The following GLRA3 variants were observed in gnomAD, a reference collection of about 807,000 sequenced individuals.
GLRA3 encodes glycine receptor alpha 3.
A neutral mutation model predicts 60.4 loss-of-function variants in GLRA3; 44 were observed. That is an observed-to-expected ratio of 0.73 (90% CI 0.57 to 0.94). The LOEUF is 0.94. Among genes scored for constraint, GLRA3 ranks in the 40% least tolerant of loss-of-function variants. The pLI, the probability that GLRA3 is intolerant of heterozygous loss-of-function variation, is 0.00. For missense variants in GLRA3, 508 were observed against 564.6 expected (o/e 0.90, Z 1.02); for synonymous variants, 223 against 192.9 (o/e 1.16, Z -1.29).
intron 1 of GLRA3, among the ~76,000 whole-genome samples, chr4:174,804,241 A>G (rs1349236234): frequency 1.3e-5 from 2 of 152,168 alleles, no homozygotes; most frequent in Non-Finnish European, 2.9e-5. Flanking sequence ...AAAGTTTCCT[A>G]GAACCTGTGA....
chr4:174,657,049 T>C (rs1733235479), intron 8 of GLRA3, among the ~76,000 whole-genome samples: 1 of 152,126 alleles, frequency 6.6e-6, no homozygotes, highest in Non-Finnish European at 1.5e-5. Context: ...CAGAAAATAA[T>C]AAGATATGAT....
At chr4:174,730,302 G>T (rs1441885922) in intron 3 of GLRA3, among the ~76,000 whole-genome samples, 2 of 152,070 alleles carry the variant, frequency 1.3e-5, no homozygotes, top group African/African-American at 4.8e-5. Context: ...TGTTTCCTTC[G>T]CCATTCTCCA....
intron 1 of GLRA3, among the ~76,000 whole-genome samples, chr4:174,806,318 C>T (rs895405448): frequency 1.3e-5 from 2 of 152,024 alleles, no homozygotes; most frequent in Non-Finnish European, 1.5e-5. Context: ...AAGAGGAAAC[C>T]AAACAACAAA....
chr4:174,816,625 T>A (rs1180730532), intron 1 of GLRA3, among the ~76,000 whole-genome samples: 1 of 151,306 alleles, frequency 6.6e-6, no homozygotes, highest in Non-Finnish European at 1.5e-5. Flanking sequence ...AATGGACAAG[T>A]GGTTTTTTTT....
At chr4:174,808,754 G>A (rs1299560408) in intron 1 of GLRA3, among the ~76,000 whole-genome samples, 1 of 151,936 alleles carries the variant, frequency 6.6e-6, no homozygotes, top group Non-Finnish European at 1.5e-5. Context: ...ACAGGCTAAT[G>A]TGTGTGCTTG....
chr4:174,775,488 A>G (rs928932402), intron 2 of GLRA3, among the ~76,000 whole-genome samples: 1 of 152,226 alleles, frequency 6.6e-6, no homozygotes, highest in Non-Finnish European at 1.5e-5. Context: ...AGTTATATCT[A>G]CATACAAAGA....
intron 5 of GLRA3, among the ~76,000 whole-genome samples, chr4:174,689,238 C>G (rs2111000657): frequency 6.6e-6 from 1 of 152,146 alleles, no homozygotes; most frequent in African/African-American, 2.4e-5. Context: ...TCAAAGGAAT[C>G]AAAGATAAAA....
At chr4:174,702,733 A>G (rs1205604081) in intron 5 of GLRA3, among the ~76,000 whole-genome samples, 1 of 152,142 alleles carries the variant, frequency 6.6e-6, no homozygotes, top group African/African-American at 2.4e-5. Flanking sequence ...ACACCTGGAT[A>G]ATTTTTTAAT....
chr4:174,728,942 T>C (rs936623791), intron 3 of GLRA3, among the ~76,000 whole-genome samples: 2 of 152,160 alleles, frequency 1.3e-5, no homozygotes, highest in Non-Finnish European at 2.9e-5. Flanking sequence ...TAAAGTCTTA[T>C]AAAAAAGAGT....
At chr4:174,801,524 A>G (rs913216914) in intron 1 of GLRA3, among the ~76,000 whole-genome samples, 2 of 152,134 alleles carry the variant, frequency 1.3e-5, no homozygotes, top group Non-Finnish European at 2.9e-5. Flanking sequence ...CTTGGTTAAT[A>G]GCAGCTCTAT....
At chr4:174,647,487 C>T (rs1054873895) in intron 9 of GLRA3, among the ~76,000 whole-genome samples, 4 of 151,782 alleles carry the variant, frequency 2.6e-5, no homozygotes, top group African/African-American at 9.7e-5. Context: ...GCTTCATGAC[C>T]TGAGCTCAAG....
chr4:174,794,389 T>C (rs548165921), intron 1 of GLRA3, among the ~76,000 whole-genome samples: 1 of 152,232 alleles, frequency 6.6e-6, no homozygotes, highest in South Asian at 2.1e-4. Flanking sequence ...TAGTATATGA[T>C]CATGTTGCTT....
intron 3 of GLRA3, among the ~76,000 whole-genome samples, chr4:174,739,235 T>G (rs1159019379): frequency 6.6e-6 from 1 of 152,084 alleles, no homozygotes; most frequent in African/African-American, 2.4e-5. Context: ...TTTGAAGAGA[T>G]TGTTGTGATG....
chr4:174,798,874 TAG>T (rs1739688636), intron 1 of GLRA3, among the ~76,000 whole-genome samples: 1 of 151,254 alleles, frequency 6.6e-6, no homozygotes, highest in Non-Finnish European at 1.5e-5. Context: ...TGAGCCGAGA[TAG>T]CACCACTGCA....
chr4:174,656,813 A>T (rs778861539), intron 8 of GLRA3, 26 bp from the exon 9 acceptor site: 1 of 1,422,322 alleles, frequency 7.0e-7, no homozygotes, highest in South Asian at 1.1e-5. Context: ...GTGGACCAAG[A>T]GGAATTGAGA....
chr4:174,703,181 C>A (rs1735389385), intron 5 of GLRA3, among the ~76,000 whole-genome samples: 1 of 152,148 alleles, frequency 6.6e-6, no homozygotes, highest in Non-Finnish European at 1.5e-5. Context: ...TCTTCAAATG[C>A]CTTAGAAACT....
intron 3 of GLRA3, among the ~76,000 whole-genome samples, chr4:174,735,217 C>T (rs985107019): frequency 2.0e-5 from 3 of 152,108 alleles, no homozygotes; most frequent in Non-Finnish European, 4.4e-5. Flanking sequence ...CTGTCCTTCA[C>T]AGCAAGTTGT....
At chr4:174,798,795 G>A (rs558927670) in intron 1 of GLRA3, among the ~76,000 whole-genome samples, 20 of 152,240 alleles carry the variant, frequency 1.3e-4, no homozygotes, top group African/African-American at 4.3e-4. Context: ...GTGGTGGTGA[G>A]CGCCTGTAGT....
In GLRA3 at chr4:174,814,372, C is replaced by T. The variant is rs559169522; in HGVS notation, c.71+14369G>A. On this transcript the variant is annotated intron_variant, in intron 1 of 9. Transcript: ENST00000274093. ...CCCCTGGAGTTTGGCCATCCCTGAG[C>T]GAAATTTTCTTCAAAGTTCCACTGT... 1.2e-4 allele frequency among the ~76,000 whole-genome samples: 18 copies of T among 152,178 alleles called. No homozygotes were observed. The South Asian group carries it at 2.9e-3, about 25-fold the overall frequency.
Sources: allele counts gnomAD v4.1 joint callset (sites outside exome capture counted in the v4.1 genomes callset), GRCh38; gene constraint gnomAD v4.1.1; transcripts MANE v1.5; gene names NCBI Gene and HGNC (gene_info 2026-07-23, HGNC 2026-07-21).